The following DIS3L2 variants were observed in gnomAD, a reference collection of about 807,000 sequenced individuals.
DIS3L2 encodes the protein DIS3-like exonuclease 2.
DIS3L2 carries 34 observed loss-of-function variants against 97.5 expected under a neutral mutation model. The observed-to-expected ratio is 0.35, with a 90% confidence interval of 0.27 to 0.46. DIS3L2 has a LOEUF of 0.46. Among genes scored for constraint, DIS3L2 ranks in the 20% least tolerant of loss-of-function variants. The pLI is 1.00. For synonymous variants in DIS3L2, 435 were observed against 445.2 expected (o/e 0.98, Z 0.29); for missense variants, 1,038 against 1,146.0 (o/e 0.91, Z 1.36).
intron 16 of DIS3L2, 134 bp from the exon 17 acceptor site, chr2:232,333,706 T>C: frequency 7.5e-7 from 1 of 1,340,518 alleles, no homozygotes; most frequent in South Asian, 1.6e-5. Flanking sequence ...CTCCCTGGCG[T>C]CACTCAGCAA....
Position 232,334,496 on chromosome 2 carries a change from C to T in DIS3L2, c.2286C>T (p.Val762=). The T allele has an allele frequency of 6.2e-7, 1 of 1,613,800 alleles. No homozygotes were observed. Among genetic ancestry groups the T allele is most frequent in the Non-Finnish European group, 8.5e-7 (1 of 1,179,956 alleles). The stretch of plus-strand genomic sequence containing the variant: ...CCAGTCTCTTCTTTGCTGTTCTGGT[C>T]AAGGTGAGCCCTCCAGCCTGGTGCC... ...LSTSLFFAVL[V]KESGPLESEA... is the part of the protein sequence containing the mutation. The change falls in exon 18 of 21, where the codon GTC becomes GTT. Residue 762 remains valine, a synonymous_variant. Coordinates refer to ENST00000325385, the MANE Select transcript of DIS3L2 (RefSeq NM_152383.5).
intron 11 of DIS3L2, among the ~76,000 whole-genome samples, chr2:232,247,722 A>T (rs1395542877): frequency 4.8e-5 from 7 of 144,884 alleles, no homozygotes; most frequent in Non-Finnish European, 1.0e-4. Flanking sequence ...AGATGGTATC[A>T]TCTTGAAGCT....
At chr2:232,258,312 T>C (rs1693622085) in intron 12 of DIS3L2, among the ~76,000 whole-genome samples, 1 of 152,038 alleles carries the variant, frequency 6.6e-6, no homozygotes. Context: ...GGGCCAGGTG[T>C]GGTGGCTCAT....
chr2:232,100,831 A>ATG (rs1559629448), intron 6 of DIS3L2, among the ~76,000 whole-genome samples: 1 of 143,468 alleles, frequency 7.0e-6, no homozygotes, highest in Non-Finnish European at 1.5e-5. Flanking sequence ...GTGTGTGTGT[A>ATG]TATATATCTC....
intron 13 of DIS3L2, among the ~76,000 whole-genome samples, chr2:232,287,769 T>G (rs76788222): frequency 0.17 from 26,555 of 152,126 alleles, 2,430 homozygotes; most frequent in African/African-American, 0.22. Flanking sequence ...AACAGTAAAC[T>G]TTTGTCTGTA....
intron 5 of DIS3L2, among the ~76,000 whole-genome samples, chr2:232,036,981 C>T (rs1694967917): frequency 6.6e-6 from 1 of 152,218 alleles, no homozygotes; most frequent in South Asian, 2.1e-4. Context: ...AGGCGTCTCC[C>T]TGTCAGGAGG....
At chr2:232,258,588 G>A (rs1460210210) in intron 12 of DIS3L2, among the ~76,000 whole-genome samples, 1 of 114,636 alleles carries the variant, frequency 8.7e-6, no homozygotes, top group Non-Finnish European at 1.7e-5. Flanking sequence ...GACAGAGCGA[G>A]ACTCTGTCTC....
At chr2:232,074,113 T>C (rs1696115124) in intron 5 of DIS3L2, among the ~76,000 whole-genome samples, 1 of 152,216 alleles carries the variant, frequency 6.6e-6, no homozygotes, top group African/African-American at 2.4e-5. Flanking sequence ...ATAATTTAGA[T>C]ATAAAGGCAT....
intron 7 of DIS3L2, 104 bp from the exon 8 acceptor site, chr2:232,136,368 C>T: frequency 7.0e-7 from 1 of 1,436,318 alleles, no homozygotes; most frequent in Non-Finnish European, 9.4e-7. Flanking sequence ...CCTAGAAAAA[C>T]TGCTGGTTCC....
intron 13 of DIS3L2, among the ~76,000 whole-genome samples, chr2:232,278,118 G>A (rs747914641): frequency 1.3e-5 from 2 of 152,036 alleles, no homozygotes; most frequent in African/African-American, 2.4e-5. Flanking sequence ...TTGTTAATAC[G>A]ATAGATTGGA....
At position 232,037,910 on chromosome 2, in the gene DIS3L2, G is replaced by A. The variant is rs1203899999; in HGVS notation, c.366+7830G>A. Among the ~76,000 whole-genome samples the A allele has an allele frequency of 1.3e-5, 2 of 152,218 alleles. No individual in the cohort carries two copies. Among genetic ancestry groups the A allele is most frequent in the Non-Finnish European group, 2.9e-5 (2 of 68,044 alleles). On this transcript the variant is annotated intron_variant, in intron 5 of 20. Transcript: ENST00000325385. The surrounding 1 kb of genome is among the most constrained non-coding windows in gnomAD (Gnocchi z 4.6). ...GTGAGATGAACCAGGTACCTCAGTT[G>A]GAAATGCAGAAATCACCAGCCTTCT...
intron 1 of DIS3L2, among the ~76,000 whole-genome samples, chr2:232,008,329 A>G (rs1694107673): frequency 6.6e-6 from 1 of 151,686 alleles, no homozygotes; most frequent in Non-Finnish European, 1.5e-5. Context: ...CATCTGGCCA[A>G]ATTTTCTCTT....
intron 5 of DIS3L2, among the ~76,000 whole-genome samples, chr2:232,068,454 A>G (rs1159289910): frequency 6.6e-6 from 1 of 151,144 alleles, no homozygotes; most frequent in Non-Finnish European, 1.5e-5. Context: ...GCGTGATGGC[A>G]TGCAATAGTC....
At chr2:232,090,994 G>A (rs1574867653) in intron 6 of DIS3L2, among the ~76,000 whole-genome samples, 1 of 152,144 alleles carries the variant, frequency 6.6e-6, no homozygotes, top group African/African-American at 2.4e-5. Flanking sequence ...CTTTGAGGAC[G>A]ACTACACAGG....
chr2:232,092,483 A>G (rs1316511927), intron 6 of DIS3L2, among the ~76,000 whole-genome samples: 2 of 151,756 alleles, frequency 1.3e-5, no homozygotes, highest in African/African-American at 2.4e-5. Flanking sequence ...GAATCTGTAG[A>G]TTGCTTTGGT....
chr2:232,214,969 G>T (rs966530893), intron 10 of DIS3L2, among the ~76,000 whole-genome samples: 1 of 152,212 alleles, frequency 6.6e-6, no homozygotes, highest in Non-Finnish European at 1.5e-5. Flanking sequence ...TGAATGAATG[G>T]GAATGGGGAA....
intron 11 of DIS3L2, among the ~76,000 whole-genome samples, chr2:232,248,585 G>A (rs372128180): frequency 7.9e-5 from 12 of 152,142 alleles, no homozygotes; most frequent in African/African-American, 2.2e-4. Context: ...AGTATATACC[G>A]TTGACTCAGT....
chr2:232,321,483 C>T (rs1695429673), intron 14 of DIS3L2, among the ~76,000 whole-genome samples: 1 of 152,200 alleles, frequency 6.6e-6, no homozygotes, highest in African/African-American at 2.4e-5. Flanking sequence ...AGGGGCCTTC[C>T]GCATCCCACT....
chr2:232,043,394 G>A (rs985232051), intron 5 of DIS3L2, among the ~76,000 whole-genome samples: 1 of 152,194 alleles, frequency 6.6e-6, no homozygotes, highest in African/African-American at 2.4e-5. Context: ...GGACCAGGAA[G>A]TGCAATCCTA....
Sources: allele counts gnomAD v4.1 joint callset (sites outside exome capture counted in the v4.1 genomes callset), GRCh38; gene constraint gnomAD v4.1.1; non-coding constraint Gnocchi (gnomAD v3.1); transcripts MANE v1.5; gene names NCBI Gene and HGNC (gene_info 2026-07-23, HGNC 2026-07-21).